Variants in RAB23 observed in about 807,000 individuals in gnomAD.
RAB23 encodes the protein ras-related protein Rab-23.
In RAB23, 15 loss-of-function variants were observed where a neutral mutation model predicts 30.0. That is an observed-to-expected ratio of 0.50 (90% CI 0.33 to 0.77). The LOEUF is 0.77. Ranked by LOEUF, RAB23 falls within the 30% of genes least tolerant of loss-of-function variation. The probability of loss-of-function intolerance (pLI) is 0.02; values close to 1 mark genes in which losing one functional copy is unlikely to be tolerated. For missense variants in RAB23, 243 were observed against 275.4 expected (o/e 0.88, Z 0.83); for synonymous variants, 93 against 94.0 (o/e 0.99, Z 0.06).
intron 1 of RAB23, among the ~76,000 whole-genome samples, chr6:57,219,307 TACAAA>T (rs1765970204): frequency 6.6e-6 from 1 of 152,198 alleles, no homozygotes; most frequent in Admixed American, 6.5e-5. Context: ...TGCTGAAAAC[TACAAA>T]ACACTAAACA....
intron 6 of RAB23, among the ~76,000 whole-genome samples, chr6:57,191,443 G>A (rs966677784): frequency 3.9e-5 from 6 of 152,018 alleles, no homozygotes; most frequent in Non-Finnish European, 7.4e-5. Context: ...CAGCAAATAC[G>A]ATAATTTTTA....
chr6:57,189,454 G>A lies in RAB23; in HGVS notation c.*1007C>T, dbSNP rs1300525504. On this transcript the variant is annotated 3_prime_UTR_variant, in exon 7 of 7. Coordinates refer to ENST00000468148, the MANE Select transcript of RAB23 (RefSeq NM_016277.5). ...GGGTTCTCAGTGAGCAGCAAAAGGT[G>A]TTAGATGCATCACCACACTTCACAG... The A allele has an allele frequency of 6.6e-6, 1 of 152,170 alleles. No individual in the cohort carries two copies. Among genetic ancestry groups the A allele is most frequent in the Non-Finnish European group, 1.5e-5 (1 of 68,026 alleles). 9.4% of individuals were successfully genotyped at this position (152,170 alleles called of 1,614,324 possible). A position where few individuals can be genotyped will look rare whatever the true frequency, so the allele number is the denominator to read the frequency against.
chr6:57,187,507 C>CTCA lies in RAB23; in HGVS notation c.*2951_*2953dup, dbSNP rs1562645283. Reference sequence around the variant, plus strand: ...GGTGCCATGTGGAACAAGCTTTCACCTCATCAATGCATTTTGTTTTCAGAG... The same window carrying CTCA: ...GGTGCCATGTGGAACAAGCTTTCACCTCATCATCAATGCATTTTGTTTTCAGAG... On this transcript the variant is annotated 3_prime_UTR_variant, in exon 7 of 7. Coordinates refer to ENST00000468148, the MANE Select transcript of RAB23 (RefSeq NM_016277.5). The CTCA allele has an allele frequency of 1.3e-5, 2 of 152,086 alleles. No homozygotes were observed. The highest frequency in any genetic ancestry group is 6.6e-5 in the Admixed American group (1 of 15,266). 9.4% of individuals were successfully genotyped at this position (152,086 alleles called of 1,614,324 possible).
In RAB23 at chr6:57,221,741, G is replaced by C; in HGVS notation, c.-81C>G. 6.6e-6 allele frequency: 1 copy of C among 152,440 alleles called. No homozygotes were observed. 9.4% of individuals were successfully genotyped at this position (152,440 alleles called of 1,614,324 possible). On this transcript the variant is annotated 5_prime_UTR_variant, in exon 1 of 7. Transcript: ENST00000468148. ...AGGTACCCACCGCTGGGAGCTGGGA[G>C]GGGGCGCCGGGCTGGCGCTGCCGCC...
chr6:57,218,139 A>G (rs1253435156), intron 1 of RAB23, among the ~76,000 whole-genome samples: 3 of 152,238 alleles, frequency 2.0e-5, no homozygotes, highest in Non-Finnish European at 4.4e-5. Context: ...GAATCCTACT[A>G]AACATTTAAA....
Position 57,188,043 on chromosome 6 carries a change from A to C in RAB23, c.*2418T>G, listed in dbSNP as rs892380222. 1.3e-5 allele frequency: 2 copies of C among 152,218 alleles called. No individual in the cohort carries two copies. The highest frequency in any genetic ancestry group is 4.8e-5 in the African/African-American group (2 of 41,456). 9.4% of individuals were successfully genotyped at this position (152,218 alleles called of 1,614,324 possible). Reference sequence around the variant, plus strand: ...GAAATATGGCAGTTATTCCACAGCGATATGTCTACGCAAAAGATTAGCCGT... The same window carrying C: ...GAAATATGGCAGTTATTCCACAGCGCTATGTCTACGCAAAAGATTAGCCGT... On this transcript the variant is annotated 3_prime_UTR_variant, in exon 7 of 7. Transcript: ENST00000468148.
rs1326791688 is a variant in RAB23 at position 57,222,302 on chromosome 6, G to GAGCATGCGCCGTGCTTCGT, written c.-643_-642insACGAAGCACGGCGCATGCT. The GAGCATGCGCCGTGCTTCGT allele has an allele frequency of 2.0e-5, 3 of 152,258 alleles. No homozygotes were observed. The highest frequency in any genetic ancestry group is 4.4e-5 in the Non-Finnish European group (3 of 68,080). The allele number at this position is 152,258 out of a possible 1,614,324, so 9.4% of individuals were successfully genotyped here. ...TCATCTGTGGACCCGCCGCGCTGCG[G>GAGCATGCGCCGTGCTTCGT]AGCATGCGCCGTGCTTCGTCTGCGC... On this transcript the variant is annotated 5_prime_UTR_variant, in exon 1 of 7. The change creates a new upstream start codon in the 5' untranslated region. Coordinates refer to ENST00000468148, the MANE Select transcript of RAB23 (RefSeq NM_016277.5).
At chr6:57,211,170 G>T (rs1765638709) in intron 1 of RAB23, among the ~76,000 whole-genome samples, 1 of 152,148 alleles carries the variant, frequency 6.6e-6, no homozygotes, top group African/African-American at 2.4e-5. Flanking sequence ...ATGCAAATAG[G>T]GCAGGTGTGG....
rs777980453 is a variant in RAB23 at position 57,196,514 on chromosome 6, C to T, written c.334G>A (p.Gly112Arg). 14 of 1,613,868 alleles carry T rather than the reference C, an allele frequency of 8.7e-6. No homozygotes were observed. Among genetic ancestry groups the T allele is most frequent in the Non-Finnish European group, 1.1e-5 (13 of 1,179,960 alleles). The change falls in exon 4 of 7, where the codon GGA becomes AGA. Residue 112 changes from glycine to arginine, a missense_variant. Transcript: ENST00000468148. ...SWREKVVAEVGDIPTVLVQNK... is the reference protein window; with the variant it reads ...SWREKVVAEVRDIPTVLVQNK... The stretch of plus-strand genomic sequence containing the variant: ...TGCACAAGTACAGTTGGTATATCTC[C>T]CACTTCGGCTACTACTTTCTCTCTC...
At chr6:57,207,176 C>T (rs1413678779) in intron 3 of RAB23, among the ~76,000 whole-genome samples, 1 of 152,200 alleles carries the variant, frequency 6.6e-6, no homozygotes, top group African/African-American at 2.4e-5. Flanking sequence ...ATTCTTTAGT[C>T]ATGGTTCCTT....
intron 1 of RAB23, 99 bp from the exon 2 acceptor site, chr6:57,210,544 G>A: frequency 2.6e-6 from 2 of 779,680 alleles, no homozygotes; most frequent in South Asian, 3.3e-5. Flanking sequence ...GCAAGGATGT[G>A]TTTTCATAAC....
chr6:57,214,450 ACAC>A (rs1765764293), intron 1 of RAB23, among the ~76,000 whole-genome samples: 1 of 152,014 alleles, frequency 6.6e-6, no homozygotes, highest in Non-Finnish European at 1.5e-5. Flanking sequence ...CTACAGGCGC[ACAC>A]CACCACGCCT....
In RAB23 at chr6:57,220,450, G is replaced by A. The variant is rs371938204; in HGVS notation, c.-66+1276C>T. Among the ~76,000 whole-genome samples, 10 of 152,298 alleles carry A rather than the reference G, an allele frequency of 6.6e-5. No individual in the cohort carries two copies. In the South Asian group the frequency reaches 2.1e-3, roughly 32 times the overall value. On this transcript the variant is annotated intron_variant, in intron 1 of 6. Coordinates refer to ENST00000468148, the MANE Select transcript of RAB23 (RefSeq NM_016277.5). ...ATGTCCATGCAAAAACCTGTACATG[G>A]TATTTATAGCAGATTGATTCATAAT...
chr6:57,210,581 A>C (rs562524516), intron 1 of RAB23, 136 bp from the exon 2 acceptor site: 17 of 629,136 alleles, frequency 2.7e-5, no homozygotes, highest in Middle Eastern at 7.8e-4. Flanking sequence ...CTCTTTAGAT[A>C]ATGTAAACTC....
intron 3 of RAB23, among the ~76,000 whole-genome samples, chr6:57,202,729 G>A (rs555844456): frequency 7.2e-5 from 11 of 152,248 alleles, no homozygotes; most frequent in South Asian, 6.2e-4. Flanking sequence ...AAGACAGTAC[G>A]AAATTCCTTT....
In RAB23 at chr6:57,187,633, T is replaced by TA. The variant is rs1235838798; in HGVS notation, c.*2827dup. On this transcript the variant is annotated 3_prime_UTR_variant, in exon 7 of 7. Coordinates refer to ENST00000468148, the MANE Select transcript of RAB23 (RefSeq NM_016277.5). The stretch of plus-strand genomic sequence containing the variant: ...GCTAATAATTAACAATATCTTATAT[T>TA]AAAAGGGTCCAACACTAAGTTGGGA... 6.6e-6 allele frequency: 1 copy of TA among 152,174 alleles called. No homozygotes were observed. Among genetic ancestry groups the TA allele is most frequent in the Non-Finnish European group, 1.5e-5 (1 of 68,018 alleles). The allele number at this position is 152,174 out of a possible 1,614,324, so 9.4% of individuals were successfully genotyped here. A position where few individuals can be genotyped will look rare whatever the true frequency, so the allele number is the denominator to read the frequency against.
At chr6:57,219,490 A>G (rs144974893) in intron 1 of RAB23, among the ~76,000 whole-genome samples, 114 of 152,348 alleles carry the variant, frequency 7.5e-4, no homozygotes, top group African/African-American at 2.7e-3. Context: ...CTTTATACAC[A>G]AAGGTAAAAG....
intron 3 of RAB23, among the ~76,000 whole-genome samples, chr6:57,200,536 CAAAAAAAAAAAA>C: frequency 2.3e-5 from 1 of 42,666 alleles, no homozygotes; most frequent in East Asian, 7.0e-4. Context: ...GACTCTGTCT[CAAAAAAAAAAAA>C]AAAAAAAAAA....
At chr6:57,219,557 C>G (rs531574041) in intron 1 of RAB23, among the ~76,000 whole-genome samples, 1 of 152,124 alleles carries the variant, frequency 6.6e-6, no homozygotes, top group Non-Finnish European at 1.5e-5. Flanking sequence ...AATTATACTA[C>G]CTGGTTTTAA....
Sources: allele counts gnomAD v4.1 joint callset (sites outside exome capture counted in the v4.1 genomes callset), GRCh38; gene constraint gnomAD v4.1.1; transcripts MANE v1.5; gene names NCBI Gene and HGNC (gene_info 2026-07-23, HGNC 2026-07-21).